Variants in B3GAT2 observed in about 807,000 individuals in gnomAD.
The protein encoded by B3GAT2 is galactosylgalactosylxylosylprotein 3-beta-glucuronosyltransferase 2.
B3GAT2 carries 26 observed loss-of-function variants against 27.8 expected under a neutral mutation model. The ratio of observed to expected loss-of-function variants is 0.93; its 90% CI spans 0.68 to 1.30. The LOEUF is 1.30. B3GAT2 is among the 50% of genes most tolerant of loss of function. B3GAT2 has a pLI of 0.00. For missense variants in B3GAT2, 458 were observed against 459.0 expected (o/e 1.00, Z 0.02); for synonymous variants, 218 against 195.1 (o/e 1.12, Z -0.98).
intron 1 of B3GAT2, among the ~76,000 whole-genome samples, chr6:70,917,545 T>C (rs1772794254): frequency 6.6e-6 from 1 of 152,212 alleles, no homozygotes; most frequent in Admixed American, 6.5e-5. Context: ...GTGCTGTAAA[T>C]TTCTCTCTAC....
chr6:70,913,760 G>C (rs984929442), intron 1 of B3GAT2, among the ~76,000 whole-genome samples: 1 of 152,154 alleles, frequency 6.6e-6, no homozygotes, highest in Non-Finnish European at 1.5e-5. Context: ...ATCTTTGTTA[G>C]TGTTCTGCCT....
At chr6:70,920,157 C>T (rs1370729315) in intron 1 of B3GAT2, among the ~76,000 whole-genome samples, 1 of 152,190 alleles carries the variant, frequency 6.6e-6, no homozygotes, top group African/African-American at 2.4e-5. Context: ...CACCAAGCTC[C>T]AGCATCCCAG....
chr6:70,909,531 A>C, intron 1 of B3GAT2, among the ~76,000 whole-genome samples: 1 of 152,146 alleles, frequency 6.6e-6, no homozygotes, highest in East Asian at 1.9e-4. Context: ...TGTATTACTT[A>C]CCCTCTTTGA....
intron 2 of B3GAT2, among the ~76,000 whole-genome samples, chr6:70,875,918 C>A (rs535031751): frequency 6.6e-6 from 1 of 152,284 alleles, no homozygotes; most frequent in African/African-American, 2.4e-5. Flanking sequence ...TCTAAGGAAA[C>A]AATCAGGATG....
intron 2 of B3GAT2, among the ~76,000 whole-genome samples, chr6:70,877,769 G>T (rs1287449205): frequency 6.6e-6 from 1 of 152,156 alleles, no homozygotes; most frequent in African/African-American, 2.4e-5. Flanking sequence ...ACTGTCCTAA[G>T]GTACAAAGGC....
Position 70,885,861 on chromosome 6 carries a change from G to C in B3GAT2, c.736+8267C>G, listed in dbSNP as rs570578081. ...TTCCCCTAGATCTTCAGGCTGCACA[G>C]CCTGTATGTGTCAGAGCAGGACCCA... On this transcript the variant is annotated intron_variant, in intron 2 of 3. Coordinates refer to ENST00000230053, the MANE Select transcript of B3GAT2 (RefSeq NM_080742.3). 2.7e-4 allele frequency among the ~76,000 whole-genome samples: 41 copies of C among 152,312 alleles called. No individual in the cohort carries two copies. In the South Asian group the frequency reaches 8.5e-3, roughly 32 times the overall value.
intron 2 of B3GAT2, among the ~76,000 whole-genome samples, chr6:70,882,249 C>T (rs899307649): frequency 3.3e-5 from 5 of 152,170 alleles, no homozygotes; most frequent in Admixed American, 2.6e-4. Flanking sequence ...CACCTGTAAT[C>T]CCAGCACTTT....
intron 1 of B3GAT2, among the ~76,000 whole-genome samples, chr6:70,926,367 C>T (rs1772957980): frequency 6.6e-6 from 1 of 152,158 alleles, no homozygotes; most frequent in African/African-American, 2.4e-5. Context: ...TTGGTAATAA[C>T]AAACTTCTCC....
chr6:70,884,079 G>A (rs1582350812), intron 2 of B3GAT2, among the ~76,000 whole-genome samples: 2 of 141,886 alleles, frequency 1.4e-5, no homozygotes, highest in South Asian at 4.7e-4. Context: ...GTGCACTTCG[G>A]GATCACCTCA....
At chr6:70,938,787 A>C (rs2150048570) in intron 1 of B3GAT2, among the ~76,000 whole-genome samples, 1 of 152,154 alleles carries the variant, frequency 6.6e-6, no homozygotes, top group East Asian at 1.9e-4. Context: ...ACCTAAAACC[A>C]TAAAAACCCT....
intron 1 of B3GAT2, among the ~76,000 whole-genome samples, chr6:70,901,651 C>T (rs975749420): frequency 6.6e-5 from 10 of 152,192 alleles, no homozygotes; most frequent in Non-Finnish European, 1.3e-4. Flanking sequence ...AGCCCTCCCC[C>T]GTTTGCCACA....
At chr6:70,862,292 T>C (rs2150020200) in intron 2 of B3GAT2, among the ~76,000 whole-genome samples, 1 of 152,258 alleles carries the variant, frequency 6.6e-6, no homozygotes, top group Middle Eastern at 3.4e-3. Context: ...CCCCCCACAT[T>C]TGCCACTAGG....
At chr6:70,915,986 T>C (rs1582377965) in intron 1 of B3GAT2, among the ~76,000 whole-genome samples, 1 of 152,352 alleles carries the variant, frequency 6.6e-6, no homozygotes, top group East Asian at 1.9e-4. Context: ...TAAATTACCT[T>C]GGGCAGTATG....
intron 1 of B3GAT2, among the ~76,000 whole-genome samples, chr6:70,927,439 A>G (rs995646747): frequency 1.3e-5 from 2 of 152,208 alleles, no homozygotes; most frequent in African/African-American, 2.4e-5. Flanking sequence ...CCCATCTCAC[A>G]TGCAGAGACA....
intron 1 of B3GAT2, among the ~76,000 whole-genome samples, chr6:70,947,918 G>A (rs1765518882): frequency 6.6e-6 from 1 of 152,010 alleles, no homozygotes; most frequent in African/African-American, 2.4e-5. Flanking sequence ...ATGCAAGGCT[G>A]GTTCAATATA....
intron 1 of B3GAT2, among the ~76,000 whole-genome samples, chr6:70,918,460 C>T (rs1203362627): frequency 2.6e-5 from 4 of 152,136 alleles, no homozygotes; most frequent in Non-Finnish European, 4.4e-5. Flanking sequence ...GTTATTTTGC[C>T]CATCAATTGA....
At chr6:70,919,321 T>C (rs2150041548) in intron 1 of B3GAT2, among the ~76,000 whole-genome samples, 1 of 152,338 alleles carries the variant, frequency 6.6e-6, no homozygotes, top group Middle Eastern at 3.4e-3. Flanking sequence ...TTCAAGGTTT[T>C]TAGCTTCCTC....
rs945088484 is a variant in B3GAT2 at position 70,860,678 on chromosome 6, C to T, written c.*985G>A. 2.2e-5 allele frequency: 9 copies of T among 410,440 alleles called. No homozygotes were observed. Among genetic ancestry groups the T allele is most frequent in the African/African-American group, 1.8e-4 (9 of 48,816 alleles). The allele number at this position is 410,440 out of a possible 1,614,324, so 25.4% of individuals were successfully genotyped here. ...GGAAGTAGTTATCATGTTAGTAATA[C>T]CTCTAATAGTATAAACCCCACCCCA... On this transcript the variant is annotated 3_prime_UTR_variant, in exon 4 of 4. Transcript: ENST00000230053.
At chr6:70,890,492 C>A (rs1772269695) in intron 2 of B3GAT2, among the ~76,000 whole-genome samples, 1 of 152,232 alleles carries the variant, frequency 6.6e-6, no homozygotes, top group South Asian at 2.1e-4. Flanking sequence ...CTGTGTGTCA[C>A]TTCATTTGGC....
Sources: allele counts gnomAD v4.1 joint callset (sites outside exome capture counted in the v4.1 genomes callset), GRCh38; gene constraint gnomAD v4.1.1; transcripts MANE v1.5; gene names NCBI Gene and HGNC (gene_info 2026-07-23, HGNC 2026-07-21).